TLK2: variants seen among roughly 807,000 people sequenced by gnomAD.
The protein encoded by TLK2 is serine/threonine-protein kinase tousled-like 2.
In TLK2, 6 loss-of-function variants were observed where a neutral mutation model predicts 117.3. The observed-to-expected ratio is 0.05, with a 90% CI of 0.03 to 0.10. The LOEUF (loss-of-function observed/expected upper bound fraction) is 0.10, where lower values mean the gene tolerates loss of function less well. Ranked by LOEUF, TLK2 falls within the 10% of genes least tolerant of loss-of-function variation. The pLI, the probability that TLK2 is intolerant of heterozygous loss-of-function variation, is 1.00. For missense variants in TLK2, 299 were observed against 901.2 expected (o/e 0.33, Z 8.56); for synonymous variants, 257 against 316.7 (o/e 0.81, Z 2.00).
intron 2 of TLK2, among the ~76,000 whole-genome samples, chr17:62,506,590 A>G (rs1249446470): frequency 6.6e-6 from 1 of 152,136 alleles, no homozygotes; most frequent in East Asian, 1.9e-4. Context: ...CTTATTGGTC[A>G]CTGAATTTTC....
rs530934348 is a variant in TLK2 at position 62,491,144 on chromosome 17, GT to G, written c.81+9939del. Among the ~76,000 whole-genome samples the G allele has an allele frequency of 2.7e-3, 410 of 152,226 alleles. 1 individual carries two copies. The highest frequency in any genetic ancestry group is 9.2e-3 in the African/African-American group (380 of 41,528). On this transcript the variant is annotated intron_variant, in intron 2 of 21. Coordinates refer to ENST00000346027, the MANE Select transcript of TLK2 (RefSeq NM_006852.6). ...GTCAATAATATAAAACTAACACTTA[GT>G]GTGTGTGAACTCTTGTGTCACTATA...
At chr17:62,588,608 AGTT>A (rs1193724273) in intron 16 of TLK2, among the ~76,000 whole-genome samples, 1 of 151,940 alleles carries the variant, frequency 6.6e-6, no homozygotes, top group Non-Finnish European at 1.5e-5. Flanking sequence ...AGGGTGTGTG[AGTT>A]GTTGTGACCT....
chr17:62,471,886 G>GTTTT (rs1179717599), intron 1 of TLK2, among the ~76,000 whole-genome samples: 1 of 39,018 alleles, frequency 2.6e-5, no homozygotes, highest in Non-Finnish European at 5.5e-5. Flanking sequence ...AGGTAGTATA[G>GTTTT]TCTTTTTTTT....
chr17:62,565,339 A>G (rs1055922201), intron 11 of TLK2, among the ~76,000 whole-genome samples: 5 of 152,212 alleles, frequency 3.3e-5, no homozygotes, highest in Non-Finnish European at 4.4e-5. Flanking sequence ...GGAGTACAAA[A>G]TGAGTTCCAG....
intron 9 of TLK2, among the ~76,000 whole-genome samples, chr17:62,557,961 TAAAA>T (rs1266440016): frequency 1.3e-5 from 2 of 152,102 alleles, no homozygotes; most frequent in African/African-American, 4.8e-5. Context: ...AGTAGATAAA[TAAAA>T]AAGGAAGACA....
At chr17:62,552,131 A>T (rs545190162) in intron 7 of TLK2, 171 bp from the exon 8 acceptor site, 2 of 899,330 alleles carry the variant, frequency 2.2e-6, no homozygotes, top group East Asian at 5.4e-5. Flanking sequence ...CCTTTGTCTC[A>T]TATTTGAATT....
chr17:62,534,416 G>A (rs1480801062), intron 6 of TLK2, among the ~76,000 whole-genome samples: 1 of 152,132 alleles, frequency 6.6e-6, no homozygotes, highest in African/African-American at 2.4e-5. Context: ...AAGCTGTATA[G>A]TTTTTCTTCA....
chr17:62,512,327 A>G (rs2075217145), intron 2 of TLK2, among the ~76,000 whole-genome samples: 2 of 145,070 alleles, frequency 1.4e-5, no homozygotes, highest in African/African-American at 2.5e-5. Flanking sequence ...GGTTCAAGCA[A>G]TTCTCCTGCC....
chr17:62,503,002 A>C (rs191630844), intron 2 of TLK2, among the ~76,000 whole-genome samples: 43 of 151,810 alleles, frequency 2.8e-4, no homozygotes, highest in Non-Finnish European at 1.5e-4. Context: ...ATCTAATGGA[A>C]ATTGAAGGGA....
chr17:62,535,785 G>T (rs965686230), intron 6 of TLK2, among the ~76,000 whole-genome samples: 8 of 143,384 alleles, frequency 5.6e-5, no homozygotes, highest in Non-Finnish European at 1.1e-4. Flanking sequence ...AAAAAAAAAA[G>T]AAAAAAGAAA....
chr17:62,520,352 A>C (rs1206685259), intron 2 of TLK2, among the ~76,000 whole-genome samples: 1 of 152,120 alleles, frequency 6.6e-6, no homozygotes, highest in Non-Finnish European at 1.5e-5. Flanking sequence ...AGGATGAGAA[A>C]CACTGAAGTC....
chr17:62,472,737 CAAA>C (rs138668621), intron 1 of TLK2, among the ~76,000 whole-genome samples: 2 of 94,706 alleles, frequency 2.1e-5, no homozygotes, highest in Non-Finnish European at 2.2e-5. Flanking sequence ...GACCCCGTCT[CAAA>C]AAAAAAAAAA....
chr17:62,552,825 T>C (rs1598540002), intron 8 of TLK2, among the ~76,000 whole-genome samples: 1 of 152,302 alleles, frequency 6.6e-6, no homozygotes, highest in East Asian at 1.9e-4. Context: ...TACAAAATGT[T>C]TATTAGTAGT....
At position 62,506,459 on chromosome 17, in the gene TLK2, A is replaced by T. The variant is rs1236965132; in HGVS notation, c.82-14314A>T. The stretch of plus-strand genomic sequence containing the variant: ...GTTGACTCCTGCATCATCTTACACC[A>T]GTTCCAGTAGGAATTTTGTTATACA... On this transcript the variant is annotated intron_variant, in intron 2 of 21. Transcript: ENST00000346027. Among the ~76,000 whole-genome samples, 14 of 152,218 alleles carry T rather than the reference A, an allele frequency of 9.2e-5. No homozygotes were observed. The South Asian group carries it at 1.0e-3, about 11-fold the overall frequency.
intron 9 of TLK2, among the ~76,000 whole-genome samples, chr17:62,557,147 A>G (rs2078919729): frequency 6.6e-6 from 1 of 151,764 alleles, no homozygotes; most frequent in Admixed American, 6.6e-5. Flanking sequence ...CTGGTCTTGA[A>G]CTCTTGGGCT....
At chr17:62,484,873 G>A (rs1387359727) in intron 2 of TLK2, among the ~76,000 whole-genome samples, 1 of 151,880 alleles carries the variant, frequency 6.6e-6, no homozygotes, top group African/African-American at 2.4e-5. Flanking sequence ...TGGCTAACAC[G>A]GTGAAACCCC....
At chr17:62,492,173 T>C (rs2073173117) in intron 2 of TLK2, among the ~76,000 whole-genome samples, 1 of 152,152 alleles carries the variant, frequency 6.6e-6, no homozygotes, top group East Asian at 1.9e-4. Flanking sequence ...AATATAAACC[T>C]TCAGGAACAA....
chr17:62,546,973 T>C (rs2077995273), intron 7 of TLK2, among the ~76,000 whole-genome samples: 1 of 152,216 alleles, frequency 6.6e-6, no homozygotes. Flanking sequence ...TAATCTTATT[T>C]TGTCAATTTG....
Position 62,613,220 on chromosome 17 carries a change from G to A in TLK2, c.*655G>A, listed in dbSNP as rs1359413125. 2.6e-5 allele frequency: 4 copies of A among 152,574 alleles called. No homozygotes were observed. Among genetic ancestry groups the A allele is most frequent in the Non-Finnish European group, 5.9e-5 (4 of 68,028 alleles). The allele number at this position is 152,574 out of a possible 1,614,324, so 9.5% of individuals were successfully genotyped here. ...AAGTGAAACCCGTATTAGCAAGTAC[G>A]TGGCAATGTTCATTCCAATCAGATG... On this transcript the variant is annotated 3_prime_UTR_variant, in exon 22 of 22. Transcript: ENST00000346027.
Sources: allele counts gnomAD v4.1 joint callset (sites outside exome capture counted in the v4.1 genomes callset), GRCh38; gene constraint gnomAD v4.1.1; transcripts MANE v1.5; gene names NCBI Gene and HGNC (gene_info 2026-07-23, HGNC 2026-07-21).